The following TBL1XR1 variants were observed in gnomAD, a reference collection of about 807,000 sequenced individuals.
TBL1XR1 encodes F-box-like/WD repeat-containing protein TBL1XR1.
In TBL1XR1, 5 loss-of-function variants were observed where a neutral mutation model predicts 66.9. The observed-to-expected ratio is 0.07, with a 90% CI of 0.04 to 0.16. The LOEUF (loss-of-function observed/expected upper bound fraction) is 0.16, where lower values mean the gene tolerates loss of function less well. Ranked by LOEUF, TBL1XR1 falls within the 10% of genes least tolerant of loss-of-function variation. The pLI is 1.00. For synonymous variants in TBL1XR1, 210 were observed against 206.0 expected (o/e 1.02, Z -0.17); for missense variants, 238 against 623.2 (o/e 0.38, Z 6.58).
intron 12 of TBL1XR1, among the ~76,000 whole-genome samples, chr3:177,036,591 C>CAGA (rs1167756932): frequency 3.3e-5 from 5 of 152,154 alleles, no homozygotes; most frequent in Non-Finnish European, 5.9e-5. Context: ...CACACAGTTC[C>CAGA]AGAAGAAGTT....
chr3:177,061,841 T>C (rs1428319632), intron 3 of TBL1XR1, among the ~76,000 whole-genome samples: 1 of 152,194 alleles, frequency 6.6e-6, no homozygotes, highest in Non-Finnish European at 1.5e-5. Context: ...GACATTACTG[T>C]ACTTGGTGAT....
rs34278942 is a variant in TBL1XR1, at chr3:177,171,702, C to CAAAAA, written c.-122+25414_-122+25418dup. On this transcript the variant is annotated intron_variant, in intron 1 of 15. Transcript: ENST00000457928. ...TGGGCAACAGAGCCAGACTCCGTCT[C>CAAAAA]AAAAAAAAAAAAAAAAAAAAAAAAA... is the stretch of plus-strand genomic sequence containing the variant. Among the ~76,000 whole-genome samples the CAAAAA allele has an allele frequency of 2.9e-3, 137 of 47,248 alleles. 19 individuals are homozygous for CAAAAA. In the East Asian group the frequency reaches 0.034, roughly 12 times the overall value. 31.0% of individuals were successfully genotyped at this position (47,248 alleles called of 152,430 possible).
chr3:177,069,994 C>A (rs1719754361), intron 2 of TBL1XR1, among the ~76,000 whole-genome samples: 2 of 152,072 alleles, frequency 1.3e-5, no homozygotes, highest in African/African-American at 4.8e-5. Flanking sequence ...TTTGTATAGC[C>A]CACAGGTAAG....
At chr3:177,112,113 T>TATATATATATAA (rs1725724604) in intron 1 of TBL1XR1, among the ~76,000 whole-genome samples, 1 of 72,046 alleles carries the variant, frequency 1.4e-5, no homozygotes, top group Non-Finnish European at 2.9e-5. Flanking sequence ...ATATATTTTT[T>TATATATATATAA]TTTTTTTTTT....
chr3:177,098,053 C>CA (rs1165044321), intron 2 of TBL1XR1, among the ~76,000 whole-genome samples: 1 of 151,738 alleles, frequency 6.6e-6, no homozygotes, highest in Non-Finnish European at 1.5e-5. Flanking sequence ...ACTAAAAATA[C>CA]AAAAAATTAG....
intron 2 of TBL1XR1, among the ~76,000 whole-genome samples, chr3:177,081,515 T>A (rs1213180479): frequency 6.6e-6 from 1 of 152,088 alleles, no homozygotes; most frequent in Non-Finnish European, 1.5e-5. Flanking sequence ...TCTGGGAGGC[T>A]GAGAGAGAAG....
At chr3:177,135,295 C>T (rs1330084687) in intron 1 of TBL1XR1, among the ~76,000 whole-genome samples, 1 of 121,316 alleles carries the variant, frequency 8.2e-6, no homozygotes, top group African/African-American at 3.2e-5. Context: ...AGCCACCGCA[C>T]AAGGCCGCAC....
intron 1 of TBL1XR1, among the ~76,000 whole-genome samples, chr3:177,111,068 G>A (rs981515963): frequency 1.1e-4 from 16 of 152,272 alleles, no homozygotes; most frequent in African/African-American, 3.9e-4. Flanking sequence ...GGACAGGACA[G>A]GCTAGCAGGG....
rs915580547 is a variant in TBL1XR1, at chr3:177,177,985, C to A, written c.-122+19136G>T. Reference sequence around the variant, plus strand: ...CGGGTGGGCAGTAATTTCAGTGTAACCTCTCTGAGGTGTTGGCATTGGAAC... The same window carrying A: ...CGGGTGGGCAGTAATTTCAGTGTAAACTCTCTGAGGTGTTGGCATTGGAAC... On this transcript the variant is annotated intron_variant, in intron 1 of 15. Transcript: ENST00000457928. Among the ~76,000 whole-genome samples the A allele has an allele frequency of 3.3e-5, 5 of 152,124 alleles. No homozygotes were observed. The East Asian group carries it at 5.8e-4, about 18-fold the overall frequency.
At chr3:177,191,620 T>C (rs6790639) in intron 1 of TBL1XR1, among the ~76,000 whole-genome samples, 73,665 of 152,056 alleles carry the variant, frequency 0.48, 18,983 homozygotes, top group Non-Finnish European at 0.57. Context: ...GAACATAAGA[T>C]AAGGCTCATA....
intron 3 of TBL1XR1, among the ~76,000 whole-genome samples, chr3:177,057,546 G>A (rs1045436855): frequency 2.0e-5 from 3 of 152,174 alleles, no homozygotes; most frequent in African/African-American, 7.2e-5. Flanking sequence ...AAAAGCATAT[G>A]ACTTAAGTCT....
At chr3:177,137,622 C>T (rs1226895777) in intron 1 of TBL1XR1, among the ~76,000 whole-genome samples, 2 of 152,188 alleles carry the variant, frequency 1.3e-5, no homozygotes, top group Non-Finnish European at 2.9e-5. Flanking sequence ...AATGTATCTA[C>T]TGCTCCTCCT....
intron 1 of TBL1XR1, among the ~76,000 whole-genome samples, chr3:177,158,882 A>G (rs1184673178): frequency 6.6e-6 from 1 of 152,190 alleles, no homozygotes; most frequent in African/African-American, 2.4e-5. Flanking sequence ...AACAATATAA[A>G]TCAAGAAGAG....
chr3:177,036,058 CCTTT>C (rs1714738503), intron 12 of TBL1XR1, among the ~76,000 whole-genome samples: 1 of 152,216 alleles, frequency 6.6e-6, no homozygotes, highest in South Asian at 2.1e-4. Flanking sequence ...ACCCTGCCTT[CCTTT>C]ATTACTAGTT....
At chr3:177,195,056 G>T (rs1736656896) in intron 1 of TBL1XR1, among the ~76,000 whole-genome samples, 1 of 151,988 alleles carries the variant, frequency 6.6e-6, no homozygotes, top group African/African-American at 2.4e-5. Flanking sequence ...CTTTTCCCAG[G>T]CACGTAGTTT....
At chr3:177,131,227 C>T (rs1479660337) in intron 1 of TBL1XR1, 3 of 437,952 alleles carry the variant, frequency 6.9e-6, no homozygotes, top group Non-Finnish European at 9.1e-6. Context: ...ATACTGAATG[C>T]CTAACTCTTC....
chr3:177,034,654 G>C (rs886882616), intron 12 of TBL1XR1, among the ~76,000 whole-genome samples: 9 of 151,964 alleles, frequency 5.9e-5, no homozygotes, highest in Non-Finnish European at 1.2e-4. Flanking sequence ...TTAAGCAAAA[G>C]ATCTACATAA....
chr3:177,103,631 A>T (rs115556407), intron 1 of TBL1XR1, among the ~76,000 whole-genome samples: 1 of 152,290 alleles, frequency 6.6e-6, no homozygotes, highest in South Asian at 2.1e-4. Context: ...AAATTTATTT[A>T]ATTTATAGAT....
At chr3:177,088,164 A>T (rs1211219927) in intron 2 of TBL1XR1, among the ~76,000 whole-genome samples, 1 of 152,174 alleles carries the variant, frequency 6.6e-6, no homozygotes. Flanking sequence ...AATTCACCAT[A>T]ACAAGTTCTA....
Sources: gnomAD v4.1 joint callset for allele counts (sites outside exome capture counted in the v4.1 genomes callset) on GRCh38, gnomAD v4.1.1 for gene constraint, MANE v1.5 for transcripts, NCBI Gene and HGNC (gene_info 2026-07-23, HGNC 2026-07-21) for gene names.